ADGRD1: variants seen among roughly 807,000 people sequenced by gnomAD.
ADGRD1 encodes the protein adhesion G protein-coupled receptor D1.
A neutral mutation model predicts 113.4 loss-of-function variants in ADGRD1; 77 were observed. The observed-to-expected ratio is 0.68, with a 90% confidence interval of 0.57 to 0.82. The LOEUF (loss-of-function observed/expected upper bound fraction) is 0.82. Ranked by LOEUF, ADGRD1 falls within the 40% of genes least tolerant of loss-of-function variation. The pLI, the probability that ADGRD1 is intolerant of heterozygous loss-of-function variation, is 0.00. For synonymous variants in ADGRD1, 474 were observed against 475.0 expected (o/e 1.00, Z 0.03); for missense variants, 1,036 against 1,139.1 (o/e 0.91, Z 1.30).
chr12:131,110,735 T>G (rs1950329508), intron 18 of ADGRD1, among the ~76,000 whole-genome samples: 1 of 152,234 alleles, frequency 6.6e-6, no homozygotes, highest in African/African-American at 2.4e-5. Flanking sequence ...TGTTTCTGTG[T>G]GTGTTAAGAT....
chr12:131,131,785 T>A lies in ADGRD1; in HGVS notation c.2236T>A (p.Tyr746Asn). ...RVISQISADNYKIHGDPSAFK... is the reference protein window; with the variant it reads ...RVISQISADNNKIHGDPSAFK... ...CATCTCACAGATCAGCGCCGACAAC[T>A]ACAAGATCCATGGAGACCCCAGTGC... Residue 746 changes from tyrosine to asparagine, a missense_variant, in exon 21 of 25, where the codon TAC (tyrosine) becomes AAC (asparagine). Transcript: ENST00000261654. 6.2e-7 allele frequency: 1 copy of A among 1,613,196 alleles called. No individual in the cohort carries two copies. Among genetic ancestry groups the A allele is most frequent in the Non-Finnish European group, 8.5e-7 (1 of 1,179,338 alleles).
intron 12 of ADGRD1, among the ~76,000 whole-genome samples, chr12:131,009,638 G>T (rs532517847): frequency 1.3e-5 from 2 of 152,320 alleles, no homozygotes; most frequent in South Asian, 2.1e-4. Context: ...GCATGTGTGC[G>T]TGTATTTGTG....
intron 20 of ADGRD1, among the ~76,000 whole-genome samples, chr12:131,123,038 AG>A (rs1950637125): frequency 2.0e-4 from 7 of 35,376 alleles, no homozygotes; most frequent in East Asian, 9.6e-4. Flanking sequence ...TTACCTGGGG[AG>A]TTTTTTTTTT....
At chr12:130,969,315 C>A in intron 3 of ADGRD1, 1 of 467,936 alleles carries the variant, frequency 2.1e-6, no homozygotes. Flanking sequence ...GGCAGCAATC[C>A]GTAGCCTGTT....
chr12:131,100,926 AGT>A (rs1950055426), intron 15 of ADGRD1, among the ~76,000 whole-genome samples: 1 of 152,260 alleles, frequency 6.6e-6, no homozygotes, highest in Non-Finnish European at 1.5e-5. Flanking sequence ...CTGTTGAATC[AGT>A]GGCAGAGTCA....
chr12:130,957,503 C>A (rs1593251534), intron 2 of ADGRD1: 1 of 152,418 alleles, frequency 6.6e-6, no homozygotes, highest in African/African-American at 2.4e-5. Flanking sequence ...CACACCCTCA[C>A]ACATTCACAC....
chr12:130,976,649 G>A (rs1872347209), intron 4 of ADGRD1: 1 of 152,172 alleles, frequency 6.6e-6, no homozygotes. Flanking sequence ...CCAGGTGGGT[G>A]GATCCAAATA....
At chr12:131,037,698 T>C (rs1392848622) in intron 13 of ADGRD1, among the ~76,000 whole-genome samples, 1 of 27,338 alleles carries the variant, frequency 3.7e-5, no homozygotes, top group Non-Finnish European at 7.0e-5. Flanking sequence ...CTCATTGCAC[T>C]GGGTCTCACT....
At chr12:131,139,008 A>G (rs1381653574) in intron 24 of ADGRD1, among the ~76,000 whole-genome samples, 160 bp from the exon 25 acceptor site, 1 of 151,976 alleles carries the variant, frequency 6.6e-6, no homozygotes. Context: ...GCACATCCTC[A>G]TCTCCCCCAG....
chr12:131,059,461 G>A (rs1204464752), intron 13 of ADGRD1, among the ~76,000 whole-genome samples: 6 of 152,128 alleles, frequency 3.9e-5, no homozygotes, highest in East Asian at 3.9e-4. Context: ...GATTACAGAC[G>A]TTAGCCACCA....
At chr12:131,132,325 G>T (rs1327396551) in intron 21 of ADGRD1, among the ~76,000 whole-genome samples, 3 of 152,144 alleles carry the variant, frequency 2.0e-5, no homozygotes, top group South Asian at 2.1e-4. Flanking sequence ...GAAGGGGCGG[G>T]GTCTCTGGGA....
chr12:131,104,913 T>C lies in ADGRD1; in HGVS notation c.1754T>C (p.Leu585Pro). ...TCCGTGCTCTGCCTGGTGGCCACGC[T>C]GGTCACCTTCGCCGTGCTGTCGTGA... ...SLSVLCLVAT[L>P]VTFAVLSSVS... The change falls in exon 16 of 25, where the codon CTG (leucine) becomes CCG (proline). Residue 585 changes from leucine (L) to proline (P), a missense_variant. Leu to Pro is a moderately conservative substitution (Grantham distance 98). Transcript: ENST00000261654. 1 of 1,551,052 alleles carries C rather than the reference T, an allele frequency of 6.4e-7. No individual in the cohort carries two copies. Among genetic ancestry groups the C allele is most frequent in the Non-Finnish European group, 8.7e-7 (1 of 1,146,856 alleles).
At chr12:131,120,808 A>G (rs1171218604) in intron 19 of ADGRD1, 39 bp from the exon 20 acceptor site, 1 of 1,609,402 alleles carries the variant, frequency 6.2e-7, no homozygotes, top group South Asian at 1.1e-5. Context: ...GGCAGGTGGA[A>G]CGAGGTTGTT....
At chr12:131,053,875 A>G (rs1287039100) in intron 13 of ADGRD1, among the ~76,000 whole-genome samples, 2 of 152,194 alleles carry the variant, frequency 1.3e-5, no homozygotes, top group Non-Finnish European at 2.9e-5. Flanking sequence ...GTAGACGTAA[A>G]GTCTTGCCAC....
intron 15 of ADGRD1, among the ~76,000 whole-genome samples, chr12:131,095,359 A>G (rs1214797135): frequency 1.3e-5 from 2 of 152,068 alleles, no homozygotes; most frequent in Non-Finnish European, 2.9e-5. Context: ...GCCTCCTCCA[A>G]CCAGACCCAG....
chr12:130,994,124 C>T (rs943278784), intron 8 of ADGRD1: 10 of 312,788 alleles, frequency 3.2e-5, no homozygotes, highest in South Asian at 2.3e-4. Context: ...GCCAAGGCTG[C>T]CCAGTGTGGG....
chr12:131,078,997 T>C (rs1451498289), intron 14 of ADGRD1, among the ~76,000 whole-genome samples: 1 of 152,170 alleles, frequency 6.6e-6, no homozygotes, highest in Admixed American at 6.5e-5. Flanking sequence ...CCGTGTCTGT[T>C]TGCAGTCATC....
intron 23 of ADGRD1, chr12:131,137,886 T>A: frequency 3.1e-6 from 1 of 327,554 alleles, no homozygotes; most frequent in Non-Finnish European, 5.9e-6. Context: ...CCCGGGACAT[T>A]CATTGCTGAG....
chr12:131,118,410 T>A lies in ADGRD1; in HGVS notation c.2067T>A (p.Ile689=). The A allele has an allele frequency of 6.2e-7, 1 of 1,612,402 alleles. No individual in the cohort carries two copies. The highest frequency in any genetic ancestry group is 8.5e-7 in the Non-Finnish European group (1 of 1,179,390). The change falls in exon 19 of 25, where the codon ATT becomes ATA. Residue 689 remains isoleucine, a synonymous_variant. Transcript: ENST00000261654. ...GWGFPLLICI[I]SLSFAMDSYG... Reference sequence around the variant, plus strand: ...GTTTTCCTCTTCTGATCTGCATCATTTCACTGTCATTTGCCATGGACAGTT... The same window carrying A: ...GTTTTCCTCTTCTGATCTGCATCATATCACTGTCATTTGCCATGGACAGTT...
Sources: allele counts gnomAD v4.1 joint callset (sites outside exome capture counted in the v4.1 genomes callset), GRCh38; gene constraint gnomAD v4.1.1; transcripts MANE v1.5; gene names NCBI Gene and HGNC (gene_info 2026-07-23, HGNC 2026-07-21).